CFAP206: variants seen among roughly 807,000 people sequenced by gnomAD.
CFAP206 encodes the protein cilia and flagella associated protein 206, also known as cilia- and flagella-associated protein 206.
CFAP206 carries 53 observed loss-of-function variants against 65.4 expected under a neutral mutation model. The observed-to-expected ratio is 0.81, with a 90% CI of 0.65 to 1.02. The LOEUF (loss-of-function observed/expected upper bound fraction) is 1.02. CFAP206 is among the 50% of genes least tolerant of loss of function. The pLI, the probability that CFAP206 is intolerant of heterozygous loss-of-function variation, is 0.00. For missense variants in CFAP206, 663 were observed against 753.2 expected (o/e 0.88, Z 1.40); for synonymous variants, 250 against 254.4 (o/e 0.98, Z 0.17).
intron 4 of CFAP206, chr6:87,415,446 T>TA (rs902508404): frequency 2.1e-6 from 1 of 475,490 alleles, no homozygotes; most frequent in African/African-American, 1.9e-5. Flanking sequence ...TTTGGCTGTT[T>TA]AAAGTCTTAG....
chr6:87,424,519 C>T (rs748235735), intron 7 of CFAP206, among the ~76,000 whole-genome samples: 5 of 152,086 alleles, frequency 3.3e-5, no homozygotes, highest in Admixed American at 6.5e-5. Flanking sequence ...CCTCATGATC[C>T]GCCTACCTCA....
chr6:87,419,471 G>A (rs747746365), intron 7 of CFAP206, among the ~76,000 whole-genome samples: 13 of 152,146 alleles, frequency 8.5e-5, no homozygotes, highest in Non-Finnish European at 1.6e-4. Flanking sequence ...TTCACTAAGG[G>A]ATATCCCCTT....
chr6:87,412,314 G>T (rs1045734727), intron 3 of CFAP206, among the ~76,000 whole-genome samples: 1 of 152,120 alleles, frequency 6.6e-6, no homozygotes, highest in Non-Finnish European at 1.5e-5. Context: ...CCTCAGTCTT[G>T]CATTCTCCCC....
intron 9 of CFAP206, among the ~76,000 whole-genome samples, chr6:87,429,787 T>C (rs1264091783): frequency 1.3e-5 from 2 of 152,200 alleles, no homozygotes; most frequent in Non-Finnish European, 2.9e-5. Flanking sequence ...AATTCTATTT[T>C]TTAAAGATGA....
At chr6:87,422,054 A>G (rs1348988383) in intron 7 of CFAP206, among the ~76,000 whole-genome samples, 1 of 152,208 alleles carries the variant, frequency 6.6e-6, no homozygotes, top group African/African-American at 2.4e-5. Context: ...GGAAGAAGAC[A>G]AAGAAACATG....
intron 11 of CFAP206, among the ~76,000 whole-genome samples, chr6:87,439,203 CA>C (rs759632422): frequency 1.3e-5 from 2 of 152,058 alleles, no homozygotes; most frequent in Non-Finnish European, 2.9e-5. Context: ...ATTGTCCCAT[CA>C]ATAAAAATAC....
chr6:87,461,823 CTATT>C (rs750626123), intron 12 of CFAP206, among the ~76,000 whole-genome samples: 4 of 152,050 alleles, frequency 2.6e-5, no homozygotes, highest in Non-Finnish European at 4.4e-5. Flanking sequence ...CAAAGCAAGG[CTATT>C]TATTTAGAGC....
rs56842848 is a variant in CFAP206 at position 87,457,149 on chromosome 6, CAAAAAAAAAAAA to C, written c.1495-3867_1495-3856del. On this transcript the variant is annotated intron_variant, in intron 11 of 12. Transcript: ENST00000369562. ...TGGGCGACAGAGTGAGACAACCTCT[CAAAAAAAAAAAA>C]AAAAAGAAAAGAAATTGAAGAGGAC... Among the ~76,000 whole-genome samples, 50 of 115,902 alleles carry C rather than the reference CAAAAAAAAAAAA, an allele frequency of 4.3e-4. No homozygotes were observed. In the East Asian group the frequency reaches 0.012, roughly 28 times the overall value. 76.0% of individuals were successfully genotyped at this position (115,902 alleles called of 152,430 possible).
At chr6:87,429,012 G>A (rs954858223) in intron 9 of CFAP206, among the ~76,000 whole-genome samples, 188 bp downstream of exon 9, 2 of 152,138 alleles carry the variant, frequency 1.3e-5, no homozygotes, top group African/African-American at 4.8e-5. Context: ...GGGCCGAGGC[G>A]GGTGGATCAC....
chr6:87,450,322 TTTA>T (rs1768517919), intron 11 of CFAP206, among the ~76,000 whole-genome samples: 3 of 152,086 alleles, frequency 2.0e-5, no homozygotes, highest in African/African-American at 4.8e-5. Context: ...CCATATGAAT[TTTA>T]GGATTGTTTT....
chr6:87,455,482 TGAAAA>T (rs1768622264), intron 11 of CFAP206, among the ~76,000 whole-genome samples: 1 of 150,282 alleles, frequency 6.7e-6, no homozygotes, highest in South Asian at 2.1e-4. Flanking sequence ...AATTAGTAGA[TGAAAA>T]GAAATAATAA....
At chr6:87,417,755 CTTT>C (rs11394814) in intron 6 of CFAP206, among the ~76,000 whole-genome samples, 7 of 121,744 alleles carry the variant, frequency 5.7e-5, no homozygotes, top group Admixed American at 8.7e-5. Context: ...GTTTTAGATT[CTTT>C]TTTTTTTTTT....
At chr6:87,452,502 A>G (rs746052660) in intron 11 of CFAP206, among the ~76,000 whole-genome samples, 2 of 152,166 alleles carry the variant, frequency 1.3e-5, no homozygotes, top group Non-Finnish European at 2.9e-5. Context: ...CCAGGGACCA[A>G]TTCTGGAGTG....
intron 11 of CFAP206, among the ~76,000 whole-genome samples, chr6:87,450,327 G>T (rs564981976): frequency 1.3e-5 from 2 of 152,066 alleles, no homozygotes; most frequent in Non-Finnish European, 2.9e-5. Context: ...TGAATTTTAG[G>T]ATTGTTTTTC....
intron 11 of CFAP206, among the ~76,000 whole-genome samples, chr6:87,440,264 G>C (rs570733223): frequency 3.9e-5 from 6 of 152,002 alleles, no homozygotes; most frequent in African/African-American, 1.4e-4. Flanking sequence ...GTTCATTATT[G>C]CTTATATTAT....
rs1432001547 is a variant in CFAP206, at chr6:87,431,090, C to T, written c.1217C>T (p.Thr406Ile). 1 of 1,613,930 alleles carries T rather than the reference C, an allele frequency of 6.2e-7. No homozygotes were observed. Among genetic ancestry groups the T allele is most frequent in the South Asian group, 1.1e-5 (1 of 91,064 alleles). Residue 406 changes from threonine (T) to isoleucine (I), a missense_variant, in exon 10 of 13, where the codon ACA (threonine) becomes ATA (isoleucine). Physicochemically the swap from Thr to Ile is moderately conservative, Grantham distance 89. Transcript: ENST00000369562. ...CTAGAATGGCTTTTCCCAGAAACAACAGCAAATTTTGATAAACTGTTAATT... is the reference window on the plus strand; with the variant it reads ...CTAGAATGGCTTTTCCCAGAAACAATAGCAAATTTTGATAAACTGTTAATT... The part of the protein sequence containing the change: ...RKLEWLFPET[T>I]ANFDKLLIQY...
chr6:87,445,151 T>G, intron 11 of CFAP206: 9 of 316,648 alleles, frequency 2.8e-5, no homozygotes, highest in South Asian at 2.4e-4. Context: ...TCATCTGTTA[T>G]AGCTGCATTT....
chr6:87,446,624 A>G (rs1460035508), intron 11 of CFAP206, among the ~76,000 whole-genome samples: 1 of 152,194 alleles, frequency 6.6e-6, no homozygotes, highest in Non-Finnish European at 1.5e-5. Flanking sequence ...GAAATTGGGT[A>G]GCATGATGCC....
chr6:87,453,970 C>G (rs1768587915), intron 11 of CFAP206, among the ~76,000 whole-genome samples: 1 of 151,824 alleles, frequency 6.6e-6, no homozygotes, highest in African/African-American at 2.4e-5. Flanking sequence ...AAAACAAGAC[C>G]CAATGATCTG....
Sources: allele counts gnomAD v4.1 joint callset (sites outside exome capture counted in the v4.1 genomes callset), GRCh38; gene constraint gnomAD v4.1.1; transcripts MANE v1.5; gene names NCBI Gene and HGNC (gene_info 2026-07-23, HGNC 2026-07-21).